USP34: variants seen among roughly 807,000 people sequenced by gnomAD.
USP34 encodes the protein ubiquitin specific peptidase 34.
Under a neutral mutation model 460.3 loss-of-function variants are expected in USP34, and 70 were observed. The observed-to-expected ratio is 0.15, with a 90% CI of 0.13 to 0.19. The LOEUF (loss-of-function observed/expected upper bound fraction) is 0.19, where lower values mean the gene tolerates loss of function less well. Among genes scored for constraint, USP34 ranks in the 10% least tolerant of loss-of-function variants. USP34 has a pLI of 1.00. For missense variants in USP34, 3,985 were observed against 4,236.2 expected, an observed-to-expected ratio of 0.94 and a Z score of 1.65; for synonymous variants, 1,647 against 1,405.3, an observed-to-expected ratio of 1.17 and a Z score of -3.85.
At position 61,280,324 on chromosome 2, in the gene USP34, T is replaced by G; in HGVS notation, c.5176A>C (p.Ile1726Leu). 1 of 1,547,032 alleles carries G rather than the reference T, an allele frequency of 6.5e-7. No homozygotes were observed. Among genetic ancestry groups the G allele is most frequent in the Non-Finnish European group, 8.7e-7 (1 of 1,148,644 alleles). Reference protein sequence around the residue: ...IRIDDYEEEPILKPGCKEYFW... With the variant: ...IRIDDYEEEPLLKPGCKEYFW... ...TACTCTTTACATCCTGGTTTTAATA[T>G]TGGTTCTTCCTCATAATCATCTATC... Residue 1726 changes from isoleucine (I) to leucine (L), a missense_variant, in exon 39 of 80, where the codon ATA becomes CTA. Transcript: ENST00000398571.
At chr2:61,212,029 C>T in intron 68 of USP34, 100 bp from the exon 69 acceptor site, 1 of 1,309,798 alleles carries the variant, frequency 7.6e-7, no homozygotes, top group Non-Finnish European at 1.0e-6. Flanking sequence ...TAAAATTATA[C>T]AAATAAGCTA....
At chr2:61,238,197 T>C (rs1462021213) in intron 53 of USP34, among the ~76,000 whole-genome samples, 3 of 151,898 alleles carry the variant, frequency 2.0e-5, no homozygotes, top group Non-Finnish European at 4.4e-5. Flanking sequence ...TGCCCAGCCT[T>C]ACCCTAGCTA....
intron 57 of USP34, among the ~76,000 whole-genome samples, chr2:61,232,932 C>T (rs1216066287): frequency 2.4e-5 from 3 of 127,168 alleles, no homozygotes; most frequent in Admixed American, 9.4e-5. Flanking sequence ...TGCAGTGGCA[C>T]GATCTCGGCT....
At chr2:61,378,031 G>C (rs1375492465) in intron 8 of USP34, among the ~76,000 whole-genome samples, 3 of 152,128 alleles carry the variant, frequency 2.0e-5, no homozygotes, top group Non-Finnish European at 4.4e-5. Context: ...AAATTAGCCA[G>C]GCATGCTGGC....
chr2:61,415,572 A>G (rs1276458082), intron 2 of USP34, among the ~76,000 whole-genome samples: 2 of 152,246 alleles, frequency 1.3e-5, no homozygotes, highest in African/African-American at 2.4e-5. Context: ...CAACAGCAAT[A>G]TAAGAAGAGT....
chr2:61,273,409 AGAAATAATAATGAAAATG>A (rs1309030229), intron 41 of USP34, among the ~76,000 whole-genome samples: 1 of 152,218 alleles, frequency 6.6e-6, no homozygotes, highest in African/African-American at 2.4e-5. Context: ...AATACTGAAA[AGAAATAATAATGAAAATG>A]GACTACCTTG....
At chr2:61,367,267 A>G (rs1346086732) in intron 10 of USP34, among the ~76,000 whole-genome samples, 1 of 152,258 alleles carries the variant, frequency 6.6e-6, no homozygotes, top group African/African-American at 2.4e-5. Context: ...ACACTGTCTT[A>G]TAAGGCAATA....
chr2:61,190,447 GACCAGCATAATGA>G (rs758455053), intron 77 of USP34, 33 bp from the exon 78 acceptor site: 1 of 1,601,012 alleles, frequency 6.2e-7, no homozygotes, highest in East Asian at 2.2e-5. Context: ...ATCTCCAAAA[GACCAGCATAATGA>G]AACCACAAGC....
intron 60 of USP34, 39 bp from the exon 61 acceptor site, chr2:61,228,758 A>G (rs767060077): frequency 3.1e-6 from 5 of 1,596,570 alleles, no homozygotes; most frequent in Non-Finnish European, 4.3e-6. Context: ...AATATAAAAT[A>G]AAAGCAATTA....
At chr2:61,237,360 A>G (rs978615523) in intron 53 of USP34, among the ~76,000 whole-genome samples, 20 of 151,934 alleles carry the variant, frequency 1.3e-4, no homozygotes, top group Non-Finnish European at 2.6e-4. Flanking sequence ...TCTGTGTCAC[A>G]ATTTTTGTCC....
intron 72 of USP34, among the ~76,000 whole-genome samples, chr2:61,205,021 T>C (rs959826383): frequency 5.3e-5 from 8 of 151,732 alleles, no homozygotes; most frequent in Non-Finnish European, 1.0e-4. Context: ...CACCCAGCTA[T>C]TTTTTTTGTT....
At chr2:61,211,508 T>C (rs1400773431) in intron 69 of USP34, among the ~76,000 whole-genome samples, 1 of 152,152 alleles carries the variant, frequency 6.6e-6, no homozygotes, top group Admixed American at 6.5e-5. Context: ...TTAGGATAAA[T>C]TGCCATAAAC....
At chr2:61,368,988 TAAG>T (rs1331840836) in intron 10 of USP34, among the ~76,000 whole-genome samples, 6 of 151,378 alleles carry the variant, frequency 4.0e-5, no homozygotes, top group Non-Finnish European at 7.4e-5. Context: ...ATAAAAAAAA[TAAG>T]AAAAACAATT....
intron 27 of USP34, among the ~76,000 whole-genome samples, chr2:61,304,833 C>G (rs977694075): frequency 6.6e-6 from 1 of 152,132 alleles, no homozygotes; most frequent in Admixed American, 6.5e-5. Context: ...TGCTTTCTAT[C>G]TTTTACTACT....
chr2:61,453,973 G>T (rs544768871), intron 1 of USP34, among the ~76,000 whole-genome samples: 188 of 151,680 alleles, frequency 1.2e-3, no homozygotes, highest in East Asian at 4.8e-3. Context: ...CATTTTATAA[G>T]AAAATGCTCA....
At position 61,307,327 on chromosome 2, in the gene USP34, A is replaced by AG. The variant is rs1295282479; in HGVS notation, c.3817+4212dup. 1.5e-4 allele frequency among the ~76,000 whole-genome samples: 7 copies of AG among 46,904 alleles called. No homozygotes were observed. In the East Asian group the frequency reaches 4.0e-3, roughly 27 times the overall value. The allele number at this position is 46,904 out of a possible 152,430, so 30.8% of individuals were successfully genotyped here. ...CCGGGGCCTGTCATGGGGTGGGGGG[A>AG]GGGGGGAGGGATAGCATTAGGAGAT... is the stretch of plus-strand genomic sequence containing the variant. On this transcript the variant is annotated intron_variant, in intron 27 of 79. Coordinates refer to ENST00000398571, the MANE Select transcript of USP34 (RefSeq NM_014709.4).
chr2:61,262,053 T>C (rs1168789923), intron 43 of USP34, among the ~76,000 whole-genome samples: 1 of 123,914 alleles, frequency 8.1e-6, no homozygotes, highest in Non-Finnish European at 1.6e-5. Context: ...ATCGCGCCAC[T>C]GCACTCTAGC....
intron 3 of USP34, among the ~76,000 whole-genome samples, chr2:61,403,848 C>T (rs1219474319): frequency 6.6e-6 from 1 of 151,842 alleles, no homozygotes; most frequent in Non-Finnish European, 1.5e-5. Flanking sequence ...AAAAAATTAG[C>T]CGGGCATGGT....
At chr2:61,410,433 A>C (rs1441220172) in intron 2 of USP34, among the ~76,000 whole-genome samples, 15 of 152,150 alleles carry the variant, frequency 9.9e-5, no homozygotes, top group Admixed American at 9.8e-4. Flanking sequence ...AATGGCTGTA[A>C]ATACAGATGA....
Sources: allele counts gnomAD v4.1 joint callset (sites outside exome capture counted in the v4.1 genomes callset), GRCh38; gene constraint gnomAD v4.1.1; transcripts MANE v1.5; gene names NCBI Gene and HGNC (gene_info 2026-07-23, HGNC 2026-07-21).